Variants in SRPK2 observed in about 807,000 individuals in gnomAD.
The protein encoded by SRPK2 is SFRS protein kinase 2.
Under a neutral mutation model 90.8 loss-of-function variants are expected in SRPK2, and 21 were observed. The ratio of observed to expected loss-of-function variants is 0.23; its 90% CI spans 0.16 to 0.33. The LOEUF (loss-of-function observed/expected upper bound fraction) is 0.33, where lower values mean the gene tolerates loss of function less well. Among genes scored for constraint, SRPK2 ranks in the 10% least tolerant of loss-of-function variants. The pLI is 1.00. For missense variants in SRPK2, 620 were observed against 869.0 expected, an observed-to-expected ratio of 0.71 and a Z score of 3.60; for synonymous variants, 288 against 311.1, an observed-to-expected ratio of 0.93 and a Z score of 0.78.
Position 105,388,664 on chromosome 7 carries a change from C to G in SRPK2, c.55G>C (p.Glu19Gln). Reference sequence around the variant, plus strand: ...TGGACTCACTTTTTCGGATGTTTCTCTCTTTTCGGCCTCCGCTTTCGGGCC... The same window carrying G: ...TGGACTCACTTTTTCGGATGTTTCTGTCTTTTCGGCCTCCGCTTTCGGGCC... ...IQARKRRPKR[E>Q]KHPKKPEPQQ... is the part of the protein sequence containing the mutation. Residue 19 changes from glutamate to glutamine, a missense_variant, in exon 2 of 16, where the codon GAG becomes CAG. By Grantham distance (29) the Glu-to-Gln change is conservative. Around this residue, in one of 8 missense-constraint regions of SRPK2, gnomAD observed 56 missense variants for 49.6 expected, o/e 1.13. Coordinates refer to ENST00000393651, the MANE Select transcript of SRPK2 (RefSeq NM_182692.3). The G allele has an allele frequency of 2.5e-6, 4 of 1,589,136 alleles. No homozygotes were observed. The highest frequency in any genetic ancestry group is 3.4e-6 in the Non-Finnish European group (4 of 1,167,628).
intron 13 of SRPK2, among the ~76,000 whole-genome samples, chr7:105,132,432 G>A (rs940014180): frequency 6.6e-6 from 1 of 152,204 alleles, no homozygotes; most frequent in African/African-American, 2.4e-5. Flanking sequence ...TTCCTCCACA[G>A]TGTGAGTGAA....
intron 15 of SRPK2, among the ~76,000 whole-genome samples, chr7:105,124,660 T>A (rs1289318228): frequency 0.01 from 373 of 36,330 alleles, no homozygotes; most frequent in Middle Eastern, 0.026. Context: ...AAAAAAAAAA[T>A]CAATGTGGTT....
intron 3 of SRPK2, among the ~76,000 whole-genome samples, chr7:105,190,054 T>C (rs922825737): frequency 1.3e-5 from 2 of 152,062 alleles, no homozygotes; most frequent in African/African-American, 4.8e-5. Flanking sequence ...CACAGCATTC[T>C]CTTAGTGGGT....
Position 105,388,824 on chromosome 7 carries a change from G to T in SRPK2, c.-18C>A. ...GAGCTCATTCCGACGCGGCGGAAGC[G>T]GGGCGGGGGGCTTCGCGACGGCGAC... On this transcript the variant is annotated 5_prime_UTR_variant, in exon 1 of 16. Transcript: ENST00000393651. 1.5e-6 allele frequency: 2 copies of T among 1,358,062 alleles called. No individual in the cohort carries two copies. Among genetic ancestry groups the T allele is most frequent in the East Asian group, 3.0e-5 (1 of 33,424 alleles). 84.1% of individuals were successfully genotyped at this position (1,358,062 alleles called of 1,614,324 possible). A position where few individuals can be genotyped will look rare whatever the true frequency, so the allele number is the denominator to read the frequency against.
intron 2 of SRPK2, among the ~76,000 whole-genome samples, chr7:105,344,255 T>C (rs1325121739): frequency 6.6e-6 from 1 of 151,364 alleles, no homozygotes; most frequent in Non-Finnish European, 1.5e-5. Context: ...AAAATGAATA[T>C]GCTTGTGTTT....
intron 11 of SRPK2, among the ~76,000 whole-genome samples, chr7:105,137,688 A>G (rs1036885907): frequency 6.6e-6 from 1 of 152,098 alleles, no homozygotes; most frequent in Non-Finnish European, 1.5e-5. Context: ...TCAACCTTCA[A>G]TGGCTGCCAA....
At chr7:105,188,505 T>A (rs545303888) in intron 3 of SRPK2, among the ~76,000 whole-genome samples, 3 of 152,332 alleles carry the variant, frequency 2.0e-5, no homozygotes, top group African/African-American at 4.8e-5. Flanking sequence ...CTCAATTTTT[T>A]AAAATGTATG....
chr7:105,135,681 A>G (rs1425077790), intron 11 of SRPK2, among the ~76,000 whole-genome samples: 1 of 152,144 alleles, frequency 6.6e-6, no homozygotes, highest in East Asian at 1.9e-4. Context: ...GTTTTTAAAA[A>G]CATTTCTCAG....
At chr7:105,297,702 CTTTT>C (rs1463356391) in intron 2 of SRPK2, among the ~76,000 whole-genome samples, 1 of 151,294 alleles carries the variant, frequency 6.6e-6, no homozygotes, top group Non-Finnish European at 1.5e-5. Context: ...ACATTAATTA[CTTTT>C]GTTTTATTTT....
chr7:105,349,164 GGGAGGGGAGGGGAGGGGAGGGGAT>G (rs954649694), intron 2 of SRPK2, among the ~76,000 whole-genome samples: 4 of 145,832 alleles, frequency 2.7e-5, no homozygotes, highest in African/African-American at 7.6e-5. Context: ...AAGAAAGAGG[GGGAGGGGAGGGGAGGGGAGGGGAT>G]GGAGGGGAGG....
chr7:105,366,379 TTTC>T (rs1165199857), intron 2 of SRPK2, among the ~76,000 whole-genome samples: 1 of 146,150 alleles, frequency 6.8e-6, no homozygotes, highest in Non-Finnish European at 1.5e-5. Flanking sequence ...TTTTTTTTTT[TTTC>T]TTTTTGAGAC....
intron 10 of SRPK2, 68 bp from the exon 11 acceptor site, chr7:105,142,558 A>G (rs1584933553): frequency 6.6e-7 from 1 of 1,512,848 alleles, no homozygotes; most frequent in East Asian, 2.3e-5. Context: ...TTAAGTACTT[A>G]TCTCCATCAA....
chr7:105,285,350 A>G (rs2130896524), intron 2 of SRPK2, among the ~76,000 whole-genome samples: 1 of 144,330 alleles, frequency 6.9e-6, no homozygotes, highest in Admixed American at 7.4e-5. Flanking sequence ...GTACCACTGC[A>G]CTCTAAACTG....
intron 2 of SRPK2, among the ~76,000 whole-genome samples, chr7:105,317,242 G>A (rs1437944655): frequency 1.3e-5 from 2 of 152,200 alleles, no homozygotes; most frequent in African/African-American, 2.4e-5. Flanking sequence ...AATCAATGTG[G>A]TGGCCCCAAG....
At chr7:105,321,267 C>A (rs1352159215) in intron 2 of SRPK2, among the ~76,000 whole-genome samples, 1 of 152,132 alleles carries the variant, frequency 6.6e-6, no homozygotes, top group African/African-American at 2.4e-5. Flanking sequence ...ACTGGGTATC[C>A]ACATGCAGAA....
chr7:105,303,672 G>T (rs1429767226), intron 2 of SRPK2, among the ~76,000 whole-genome samples: 3 of 151,894 alleles, frequency 2.0e-5, no homozygotes, highest in Admixed American at 2.0e-4. Flanking sequence ...CAGAAAACTG[G>T]GATTTGAATC....
intron 7 of SRPK2, among the ~76,000 whole-genome samples, chr7:105,151,981 G>A (rs1167864699): frequency 6.8e-6 from 1 of 146,972 alleles, no homozygotes; most frequent in Non-Finnish European, 1.5e-5. Flanking sequence ...CTGAGATCGT[G>A]TCACCACACT....
intron 2 of SRPK2, among the ~76,000 whole-genome samples, chr7:105,237,157 T>C (rs1370979174): frequency 6.6e-6 from 1 of 152,210 alleles, no homozygotes; most frequent in Admixed American, 6.5e-5. Context: ...CCCACAAACT[T>C]AGCTTCTGAC....
Position 105,117,899 on chromosome 7 carries a change from A to G in SRPK2, c.2039T>C (p.Met680Thr). 6.2e-7 allele frequency: 1 copy of G among 1,613,958 alleles called. No homozygotes were observed. Among genetic ancestry groups the G allele is most frequent in the South Asian group, 1.1e-5 (1 of 91,076 alleles). ...AGCTGAGGCTCGTTTTTCTGGAACC[A>G]TTTCTAACATCGGGATCAGGAAATC... The part of the protein sequence containing the change: ...FTDFLIPMLE[M>T]VPEKRASAGE... Residue 680 changes from methionine (M) to threonine (T), a missense_variant, in exon 16 of 16, where the codon ATG becomes ACG. Physicochemically the swap from Met to Thr is moderately conservative, Grantham distance 81 (BLOSUM62 -1). This residue lies in a region of SRPK2 where 71 missense variants were observed against 123.1 expected (regional missense o/e 0.58). Coordinates refer to ENST00000393651, the MANE Select transcript of SRPK2 (RefSeq NM_182692.3).
Sources: allele counts gnomAD v4.1 joint callset (sites outside exome capture counted in the v4.1 genomes callset), GRCh38; gene constraint gnomAD v4.1.1; regional missense constraint gnomAD v4.1.1; transcripts MANE v1.5; gene names NCBI Gene and HGNC (gene_info 2026-07-23, HGNC 2026-07-21).